PLEKHA5: variants seen among roughly 807,000 people sequenced by gnomAD.
The protein encoded by PLEKHA5 is pleckstrin homology domain-containing family A member 5.
A neutral mutation model predicts 181.9 loss-of-function variants in PLEKHA5; 55 were observed. That is an observed-to-expected ratio of 0.30 (90% CI 0.24 to 0.38). The LOEUF is 0.38. Among genes scored for constraint, PLEKHA5 ranks in the 10% least tolerant of loss-of-function variants. The pLI is 1.00. For missense variants in PLEKHA5, 1,432 were observed against 1,549.5 expected (o/e 0.92, Z 1.27); for synonymous variants, 535 against 529.4 (o/e 1.01, Z -0.15).
intron 3 of PLEKHA5, among the ~76,000 whole-genome samples, chr12:19,253,245 T>C (rs1198603833): frequency 6.6e-6 from 1 of 150,836 alleles, no homozygotes; most frequent in East Asian, 2.0e-4. Flanking sequence ...TGGCTAATTT[T>C]TGTATTTTTA....
chr12:19,226,536 A>G (rs985076686), intron 3 of PLEKHA5, among the ~76,000 whole-genome samples: 6 of 152,180 alleles, frequency 3.9e-5, no homozygotes, highest in African/African-American at 1.4e-4. Flanking sequence ...CACCTGCACC[A>G]TTTACATTCC....
intron 3 of PLEKHA5, among the ~76,000 whole-genome samples, chr12:19,218,174 T>C (rs1565479407): frequency 6.6e-6 from 1 of 152,158 alleles, no homozygotes; most frequent in Non-Finnish European, 1.5e-5. Context: ...GTAGCTTCTC[T>C]GTGGCTGGGG....
At chr12:19,345,565 A>G (rs2153192830) in intron 22 of PLEKHA5, among the ~76,000 whole-genome samples, 1 of 152,192 alleles carries the variant, frequency 6.6e-6, no homozygotes, top group Non-Finnish European at 1.5e-5. Context: ...GGAGTTCAAG[A>G]CCAGCCTGAC....
chr12:19,274,761 C>A lies in PLEKHA5; in HGVS notation c.1091C>A (p.Ala364Glu). The A allele has an allele frequency of 6.2e-7, 1 of 1,614,154 alleles. No individual in the cohort carries two copies. The highest frequency in any genetic ancestry group is 1.1e-5 in the South Asian group (1 of 91,084). The change falls in exon 11 of 32, where the codon GCA becomes GAA. Residue 364 changes from alanine to glutamate, a missense_variant. Ala to Glu is a moderately radical substitution (Grantham distance 107). Transcript: ENST00000429027. ...CCATCTGAATATGAGAGTGGGTCAG[C>A]ATGCCCTGCTCAGACTGTGCACTAC... ...SLPSEYESGS[A>E]CPAQTVHYRP...
At chr12:19,211,640 T>C (rs1592079915) in intron 3 of PLEKHA5, among the ~76,000 whole-genome samples, 1 of 152,172 alleles carries the variant, frequency 6.6e-6, no homozygotes, top group South Asian at 2.1e-4. Context: ...ATAGAAGATA[T>C]CAAATGACCT....
intron 3 of PLEKHA5, among the ~76,000 whole-genome samples, chr12:19,248,697 C>T (rs994820802): frequency 1.3e-5 from 2 of 152,092 alleles, no homozygotes; most frequent in African/African-American, 4.8e-5. Context: ...TGTGTATATA[C>T]ACTTTATGAT....
rs772519988 is a variant in PLEKHA5 at position 19,322,477 on chromosome 12, A to G, written c.2299-41A>G. ...CTGATAAGTAAAAAGAATTAATACA[A>G]TGATGCAGAACATTAAGTGTAATTC... On this transcript the variant is annotated intron_variant, in intron 19 of 31. Transcript: ENST00000429027. The G allele has an allele frequency of 6.9e-6, 11 of 1,603,884 alleles. No homozygotes were observed. In the Admixed American group the frequency reaches 1.2e-4, roughly 17 times the overall value.
At chr12:19,326,836 G>A (rs886912605) in intron 20 of PLEKHA5, among the ~76,000 whole-genome samples, 1 of 152,140 alleles carries the variant, frequency 6.6e-6, no homozygotes, top group South Asian at 2.1e-4. Flanking sequence ...TTCTTTTCCT[G>A]CATTAATTTA....
At chr12:19,297,551 A>G (rs978886685) in intron 15 of PLEKHA5, among the ~76,000 whole-genome samples, 6 of 148,598 alleles carry the variant, frequency 4.0e-5, no homozygotes, top group Non-Finnish European at 8.9e-5. Context: ...GAACCCGGGA[A>G]GCGGAGCTTG....
intron 29 of PLEKHA5, among the ~76,000 whole-genome samples, chr12:19,363,467 A>G (rs1413514461): frequency 4.2e-5 from 6 of 143,586 alleles, no homozygotes; most frequent in African/African-American, 1.6e-4. Context: ...GTGCCTGGCC[A>G]TTTTTAGCTA....
At chr12:19,326,074 T>C (rs1253548214) in intron 20 of PLEKHA5, among the ~76,000 whole-genome samples, 1 of 152,138 alleles carries the variant, frequency 6.6e-6, no homozygotes, top group Non-Finnish European at 1.5e-5. Flanking sequence ...TTGATCTTGT[T>C]TGAGTATCCC....
At chr12:19,314,333 A>G (rs1055513939) in intron 15 of PLEKHA5, among the ~76,000 whole-genome samples, 3 of 152,150 alleles carry the variant, frequency 2.0e-5, no homozygotes, top group African/African-American at 7.2e-5. Context: ...AAAATATGTG[A>G]TTAAGTGACA....
chr12:19,160,088 A>G (rs1019794453), intron 3 of PLEKHA5, among the ~76,000 whole-genome samples: 61 of 152,210 alleles, frequency 4.0e-4, no homozygotes, highest in Non-Finnish European at 6.9e-4. Context: ...TCTGTCATCC[A>G]TGGACTTATT....
chr12:19,240,110 A>G (rs375132839), intron 3 of PLEKHA5, among the ~76,000 whole-genome samples: 55 of 152,334 alleles, frequency 3.6e-4, no homozygotes, highest in African/African-American at 1.3e-3. Flanking sequence ...TTTAAAGCTC[A>G]TGCAGTATAT....
At chr12:19,301,944 T>G (rs1000869054) in intron 15 of PLEKHA5, among the ~76,000 whole-genome samples, 1 of 152,160 alleles carries the variant, frequency 6.6e-6, no homozygotes, top group Non-Finnish European at 1.5e-5. Flanking sequence ...AAGGCAAATT[T>G]ACATTGTTAT....
At chr12:19,343,738 G>A (rs1425267311) in intron 22 of PLEKHA5, among the ~76,000 whole-genome samples, 2 of 152,098 alleles carry the variant, frequency 1.3e-5, no homozygotes, top group African/African-American at 2.4e-5. Flanking sequence ...TGACATGAGG[G>A]CAACAACTAG....
chr12:19,232,600 T>C (rs2060799679), intron 3 of PLEKHA5, among the ~76,000 whole-genome samples: 1 of 152,178 alleles, frequency 6.6e-6, no homozygotes, highest in Middle Eastern at 3.2e-3. Flanking sequence ...GTTGTCACTC[T>C]CTGAGGAGGA....
intron 29 of PLEKHA5, among the ~76,000 whole-genome samples, chr12:19,365,661 T>C (rs958584973): frequency 5.9e-5 from 9 of 152,180 alleles, no homozygotes; most frequent in Admixed American, 3.9e-4. Flanking sequence ...ATATTAAAAA[T>C]ATGTTCTGAA....
chr12:19,189,953 G>C (rs2050712311), intron 3 of PLEKHA5, among the ~76,000 whole-genome samples: 1 of 152,050 alleles, frequency 6.6e-6, no homozygotes, highest in Non-Finnish European at 1.5e-5. Context: ...AGTGGAATTT[G>C]GTTACTTGCT....
Sources: allele counts gnomAD v4.1 joint callset (sites outside exome capture counted in the v4.1 genomes callset), GRCh38; gene constraint gnomAD v4.1.1; transcripts MANE v1.5; gene names NCBI Gene and HGNC (gene_info 2026-07-23, HGNC 2026-07-21).